Variants in SMYD3 observed in about 807,000 individuals in gnomAD.
SMYD3 encodes the protein SET and MYND domain containing 3.
In SMYD3, 36 loss-of-function variants were observed where a neutral mutation model predicts 57.7. That is an observed-to-expected ratio of 0.62 (90% CI 0.48 to 0.82). The LOEUF (loss-of-function observed/expected upper bound fraction) is 0.82, where lower values mean the gene tolerates loss of function less well. Among genes scored for constraint, SMYD3 ranks in the 40% least tolerant of loss-of-function variants. SMYD3 has a pLI of 0.00. For synonymous variants in SMYD3, 211 were observed against 195.0 expected (o/e 1.08, Z -0.68); for missense variants, 515 against 538.8 (o/e 0.96, Z 0.44).
chr1:246,314,431 C>G (rs1363674699), intron 5 of SMYD3, among the ~76,000 whole-genome samples: 1 of 152,172 alleles, frequency 6.6e-6, no homozygotes, highest in African/African-American at 2.4e-5. Flanking sequence ...TACGCACTTT[C>G]TCATCTACAA....
At chr1:246,353,946 C>G (rs1398872333) in intron 2 of SMYD3, among the ~76,000 whole-genome samples, 1 of 152,166 alleles carries the variant, frequency 6.6e-6, no homozygotes, top group Non-Finnish European at 1.5e-5. Context: ...GAACCTGGAA[C>G]CCCTGATATT....
intron 5 of SMYD3, among the ~76,000 whole-genome samples, chr1:246,197,726 T>C (rs1313778359): frequency 6.6e-6 from 1 of 152,180 alleles, no homozygotes; most frequent in East Asian, 1.9e-4. Context: ...CTTTAGTTAG[T>C]ACCAGTATAT....
intron 9 of SMYD3, among the ~76,000 whole-genome samples, chr1:245,859,670 G>A (rs1191173948): frequency 6.6e-6 from 1 of 152,188 alleles, no homozygotes; most frequent in Non-Finnish European, 1.5e-5. Flanking sequence ...CAAGGAGGGT[G>A]CAGGACTGGG....
At chr1:246,097,879 T>C (rs1398940770) in intron 5 of SMYD3, among the ~76,000 whole-genome samples, 3 of 152,216 alleles carry the variant, frequency 2.0e-5, no homozygotes, top group Admixed American at 1.3e-4. Flanking sequence ...CCCAAGTATA[T>C]TTCTGTGATT....
intron 10 of SMYD3, among the ~76,000 whole-genome samples, chr1:245,773,302 G>A (rs765716648): frequency 6.6e-5 from 10 of 152,186 alleles, no homozygotes; most frequent in Non-Finnish European, 1.5e-4. Context: ...AAAGACTTAT[G>A]TTGCAGATAG....
rs186326123 is a variant in SMYD3 at position 246,196,481 on chromosome 1, C to T, written c.531+130720G>A. On this transcript the variant is annotated intron_variant, in intron 5 of 11. Transcript: ENST00000490107. ...ACAATCATTACCCAGGGAATCACTG[C>T]TTTGTATAAAATCATTAAAAATTAT... Among the ~76,000 whole-genome samples the T allele has an allele frequency of 3.3e-5, 5 of 152,230 alleles. No homozygotes were observed. The East Asian group carries it at 5.8e-4, about 18-fold the overall frequency.
chr1:245,998,651 C>T (rs181531621), intron 5 of SMYD3, among the ~76,000 whole-genome samples: 81 of 152,280 alleles, frequency 5.3e-4, no homozygotes, highest in African/African-American at 1.9e-3. Context: ...AGCAATTCTG[C>T]TTCTCGGTAT....
intron 5 of SMYD3, among the ~76,000 whole-genome samples, chr1:246,046,391 A>T (rs917415248): frequency 6.6e-6 from 1 of 152,030 alleles, no homozygotes; most frequent in African/African-American, 2.4e-5. Flanking sequence ...AATCAAACAC[A>T]GCATGTTCTC....
chr1:245,752,901 G>A (rs145276139), intron 11 of SMYD3, among the ~76,000 whole-genome samples: 4 of 152,274 alleles, frequency 2.6e-5, no homozygotes, highest in Admixed American at 1.3e-4. Context: ...ATGACCTCTC[G>A]GCTCTCAGGA....
At chr1:245,847,017 C>T (rs559149732) in intron 10 of SMYD3, among the ~76,000 whole-genome samples, 1 of 152,332 alleles carries the variant, frequency 6.6e-6, no homozygotes, top group East Asian at 1.9e-4. Context: ...TACTCCCAAG[C>T]CCCTGCTCTC....
At chr1:245,860,721 C>A (rs1439850163) in intron 9 of SMYD3, among the ~76,000 whole-genome samples, 29 of 152,208 alleles carry the variant, frequency 1.9e-4, no homozygotes, top group Admixed American at 1.9e-3. Flanking sequence ...CTGAATGTAT[C>A]CCCTAGAGGT....
At chr1:245,857,575 G>A (rs1156935699) in intron 10 of SMYD3, among the ~76,000 whole-genome samples, 2 of 71,796 alleles carry the variant, frequency 2.8e-5, no homozygotes, top group Non-Finnish European at 9.1e-5. Flanking sequence ...TTAAAGATCT[G>A]CCCAGGTTGG....
rs560211898 is a variant in SMYD3 at position 246,380,437 on chromosome 1, AG to A, written c.165-25344del. Among the ~76,000 whole-genome samples, 6 of 152,394 alleles carry A rather than the reference AG, an allele frequency of 3.9e-5. No individual in the cohort carries two copies. In the South Asian group the frequency reaches 1.2e-3, roughly 32 times the overall value. On this transcript the variant is annotated intron_variant, in intron 1 of 11. Transcript: ENST00000490107. ...TATTTCCCCCCAGAGAAAATGAGAA[AG>A]AAAACAACTTTTGAAATGTCATTAC... is the stretch of plus-strand genomic sequence containing the variant.
intron 5 of SMYD3, among the ~76,000 whole-genome samples, chr1:246,318,719 T>C (rs192075165): frequency 7.2e-5 from 11 of 152,346 alleles, no homozygotes; most frequent in Admixed American, 7.2e-4. Flanking sequence ...CTTAAATAGA[T>C]AAAGCAACAA....
chr1:245,996,196 A>G (rs188525057), intron 5 of SMYD3, among the ~76,000 whole-genome samples: 1 of 152,340 alleles, frequency 6.6e-6, no homozygotes, highest in East Asian at 1.9e-4. Context: ...TAATGAAAAG[A>G]GCATTGGCAG....
intron 5 of SMYD3, among the ~76,000 whole-genome samples, chr1:246,188,152 C>T (rs957504235): frequency 5.3e-5 from 8 of 152,306 alleles, no homozygotes; most frequent in Non-Finnish European, 1.0e-4. Flanking sequence ...AGTCAAACTA[C>T]TATCAGAATG....
intron 1 of SMYD3, among the ~76,000 whole-genome samples, chr1:246,463,856 G>C (rs372367578): frequency 1.0e-5 from 1 of 96,992 alleles, no homozygotes; most frequent in Admixed American, 1.0e-4. Flanking sequence ...AAAAAAAAAA[G>C]AGTGTGGAAT....
intron 1 of SMYD3, among the ~76,000 whole-genome samples, chr1:246,385,824 G>C (rs1186634384): frequency 6.6e-6 from 1 of 152,124 alleles, no homozygotes; most frequent in African/African-American, 2.4e-5. Flanking sequence ...TTCTGCACTT[G>C]TAACAAGCTT....
At chr1:246,288,842 G>A (rs2064627871) in intron 5 of SMYD3, among the ~76,000 whole-genome samples, 1 of 152,182 alleles carries the variant, frequency 6.6e-6, no homozygotes, top group South Asian at 2.1e-4. Context: ...GCCAGGCACG[G>A]TGACTCACGC....
Sources: allele counts gnomAD v4.1 joint callset (sites outside exome capture counted in the v4.1 genomes callset), GRCh38; gene constraint gnomAD v4.1.1; transcripts MANE v1.5; gene names NCBI Gene and HGNC (gene_info 2026-07-23, HGNC 2026-07-21).